The following HMGCLL1 variants were observed in gnomAD, a reference collection of about 807,000 sequenced individuals.
HMGCLL1 encodes the protein 3-hydroxy-3-methylglutaryl-CoA lyase like 1, also known as 3-hydroxymethyl-3-methylglutaryl-CoA lyase, cytoplasmic.
HMGCLL1 carries 36 observed loss-of-function variants against 39.1 expected under a neutral mutation model. That is an observed-to-expected ratio of 0.92 (90% CI 0.71 to 1.22). The LOEUF (loss-of-function observed/expected upper bound fraction) is 1.22. Ranked by LOEUF, HMGCLL1 falls within the 50% of genes most tolerant of loss-of-function variation. The pLI is 0.00. For missense variants in HMGCLL1, 451 were observed against 416.5 expected (o/e 1.08, Z -0.72); for synonymous variants, 149 against 144.0 (o/e 1.03, Z -0.25).
chr6:55,456,842 T>C (rs996733499), intron 7 of HMGCLL1, among the ~76,000 whole-genome samples: 2 of 152,148 alleles, frequency 1.3e-5, no homozygotes, highest in Non-Finnish European at 1.5e-5. Flanking sequence ...GTTCCTGCTA[T>C]TGCTAATCTC....
intron 1 of HMGCLL1, among the ~76,000 whole-genome samples, chr6:55,573,358 A>G (rs1269780985): frequency 1.3e-5 from 2 of 152,202 alleles, no homozygotes; most frequent in African/African-American, 4.8e-5. Flanking sequence ...TAGGCATACC[A>G]GGAAGGAAAA....
intron 3 of HMGCLL1, among the ~76,000 whole-genome samples, chr6:55,533,174 C>A (rs9382504): frequency 0.22 from 33,571 of 151,374 alleles, 3,889 homozygotes; most frequent in Admixed American, 0.27. Flanking sequence ...GGATATAAAT[C>A]AAATATACTG....
At chr6:55,626,794 C>T in the HMGCLL1 span, among the ~76,000 whole-genome samples, 1 of 152,018 alleles carries the variant, frequency 6.6e-6, no homozygotes, top group Non-Finnish European at 1.5e-5. Flanking sequence ...GCTCCTCCTA[C>T]CTTTCAGTCA....
chr6:55,653,412 AGTTTG>A, the HMGCLL1 span, among the ~76,000 whole-genome samples: 1 of 152,052 alleles, frequency 6.6e-6, no homozygotes, highest in Non-Finnish European at 1.5e-5. Flanking sequence ...AATACAAAAC[AGTTTG>A]GATTTTCAAG....
the HMGCLL1 span, among the ~76,000 whole-genome samples, chr6:55,598,695 T>C: frequency 2.0e-5 from 3 of 152,220 alleles, no homozygotes; most frequent in African/African-American, 7.2e-5. Context: ...AGTTCATTTA[T>C]TGTTAGTTTT....
chr6:55,480,960 A>G (rs1765713665), intron 7 of HMGCLL1, among the ~76,000 whole-genome samples: 1 of 152,126 alleles, frequency 6.6e-6, no homozygotes. Context: ...AGATCGTAGA[A>G]CAATGATTAC....
At chr6:55,627,530 A>C in the HMGCLL1 span, among the ~76,000 whole-genome samples, 2 of 151,928 alleles carry the variant, frequency 1.3e-5, no homozygotes, top group Admixed American at 1.3e-4. Flanking sequence ...TGTCAACTTC[A>C]TTGGATTGAA....
the HMGCLL1 span, among the ~76,000 whole-genome samples, chr6:55,613,888 T>C: frequency 1.3e-5 from 2 of 152,058 alleles, no homozygotes; most frequent in Non-Finnish European, 2.9e-5. Flanking sequence ...CCTTTACCTA[T>C]GGAACAAACC....
intron 7 of HMGCLL1, among the ~76,000 whole-genome samples, chr6:55,466,159 G>A (rs570001520): frequency 1.3e-5 from 2 of 152,188 alleles, no homozygotes; most frequent in Non-Finnish European, 2.9e-5. Context: ...AGTGGGGCAG[G>A]AATCTGAGCA....
At chr6:55,460,225 A>C (rs902915388) in intron 7 of HMGCLL1, among the ~76,000 whole-genome samples, 9 of 152,008 alleles carry the variant, frequency 5.9e-5, no homozygotes, top group African/African-American at 2.2e-4. Flanking sequence ...TAAGGATAAC[A>C]AATGTAGAAA....
At chr6:55,670,270 A>G in the HMGCLL1 span, among the ~76,000 whole-genome samples, 1 of 151,852 alleles carries the variant, frequency 6.6e-6, no homozygotes, top group African/African-American at 2.4e-5. Flanking sequence ...TTCCATAATG[A>G]AAGAGAAATA....
At chr6:55,534,529 A>C (rs1768900208) in intron 3 of HMGCLL1, among the ~76,000 whole-genome samples, 1 of 152,216 alleles carries the variant, frequency 6.6e-6, no homozygotes, top group Non-Finnish European at 1.5e-5. Context: ...TAAAGCTGCT[A>C]TGCTGTGATA....
chr6:55,529,535 C>A (rs930220224), intron 3 of HMGCLL1, among the ~76,000 whole-genome samples: 5 of 151,936 alleles, frequency 3.3e-5, no homozygotes, highest in Non-Finnish European at 1.5e-5. Context: ...CAAGCAATGC[C>A]ATCACTGCAA....
At chr6:55,589,327 A>C in the HMGCLL1 span, among the ~76,000 whole-genome samples, 1 of 152,188 alleles carries the variant, frequency 6.6e-6, no homozygotes. Context: ...ATAGATGCAG[A>C]AAAGGCCTTT....
At chr6:55,635,091 C>T in the HMGCLL1 span, among the ~76,000 whole-genome samples, 195 of 151,682 alleles carry the variant, frequency 1.3e-3, no homozygotes, top group African/African-American at 4.4e-3. Context: ...TCTGGACAGA[C>T]AAAATGACCT....
At chr6:55,514,421 G>A (rs1268340685) in intron 4 of HMGCLL1, among the ~76,000 whole-genome samples, 3 of 152,110 alleles carry the variant, frequency 2.0e-5, no homozygotes, top group Admixed American at 1.3e-4. Flanking sequence ...ATAAGTCTGT[G>A]AGGCACAAAA....
At chr6:55,562,948 T>A (rs1357184533) in intron 1 of HMGCLL1, among the ~76,000 whole-genome samples, 5 of 152,030 alleles carry the variant, frequency 3.3e-5, no homozygotes, top group African/African-American at 1.2e-4. Context: ...TGCTTTGATA[T>A]ACTACCATTT....
chr6:55,617,891 A>G, the HMGCLL1 span, among the ~76,000 whole-genome samples: 1 of 152,112 alleles, frequency 6.6e-6, no homozygotes, highest in African/African-American at 2.4e-5. Context: ...TATCCATCAT[A>G]GGTAGAATGG....
the HMGCLL1 span, among the ~76,000 whole-genome samples, chr6:55,649,330 T>C: frequency 1.3e-5 from 2 of 152,024 alleles, no homozygotes; most frequent in Admixed American, 6.6e-5. Flanking sequence ...TTCTTCATGC[T>C]TAAAGGACAT....
Sources: gnomAD v4.1 joint callset for allele counts (sites outside exome capture counted in the v4.1 genomes callset) on GRCh38, gnomAD v4.1.1 for gene constraint, MANE v1.5 for transcripts, NCBI Gene and HGNC (gene_info 2026-07-23, HGNC 2026-07-21) for gene names.